Variants in PTPRQ observed in about 807,000 individuals in gnomAD.
The protein encoded by PTPRQ is protein tyrosine phosphatase receptor type Q.
A neutral mutation model predicts 246.0 loss-of-function variants in PTPRQ; 199 were observed. That is an observed-to-expected ratio of 0.81 (90% CI 0.72 to 0.91). PTPRQ has a LOEUF of 0.91. Ranked by LOEUF, PTPRQ falls within the 40% of genes least tolerant of loss-of-function variation. The pLI is 0.00. For missense variants in PTPRQ, 2,624 were observed against 2,528.4 expected, an observed-to-expected ratio of 1.04 and a Z score of -0.81; for synonymous variants, 869 against 853.2, an observed-to-expected ratio of 1.02 and a Z score of -0.32.
intron 9 of PTPRQ, among the ~76,000 whole-genome samples, chr12:80,487,771 G>A (rs1426027287): frequency 6.6e-6 from 1 of 152,058 alleles, no homozygotes; most frequent in Non-Finnish European, 1.5e-5. Flanking sequence ...TCCCTTGCCT[G>A]GACTACTGTT....
intron 42 of PTPRQ, among the ~76,000 whole-genome samples, chr12:80,672,164 T>C (rs778758611): frequency 3.9e-5 from 6 of 151,950 alleles, no homozygotes; most frequent in African/African-American, 1.5e-4. Context: ...AGGCACATTC[T>C]TGGTCTGTTT....
intron 9 of PTPRQ, among the ~76,000 whole-genome samples, chr12:80,490,315 C>T (rs1185364973): frequency 6.6e-6 from 1 of 151,872 alleles, no homozygotes; most frequent in Non-Finnish European, 1.5e-5. Flanking sequence ...TTCAGCAGAC[C>T]TCCAGTGACC....
intron 8 of PTPRQ, among the ~76,000 whole-genome samples, chr12:80,474,884 T>C: frequency 6.6e-6 from 1 of 152,202 alleles, no homozygotes; most frequent in East Asian, 1.9e-4. Flanking sequence ...ACTATGGCAG[T>C]GAAGACGTTT....
rs541052780 is a variant in PTPRQ, at chr12:80,520,752, G to A, written c.2678+10309G>A. 1.3e-4 allele frequency among the ~76,000 whole-genome samples: 19 copies of A among 151,838 alleles called. No homozygotes were observed. In the South Asian group the frequency reaches 2.7e-3, roughly 22 times the overall value. On this transcript the variant is annotated intron_variant, in intron 17 of 44. Transcript: ENST00000644991. Reference sequence around the variant, plus strand: ...ATATGTGCCACATTTTCTTAATCCAGTCTATCATTGTTGGACATTTGGGTT... The same window carrying A: ...ATATGTGCCACATTTTCTTAATCCAATCTATCATTGTTGGACATTTGGGTT...
intron 17 of PTPRQ, 105 bp downstream of exon 17, chr12:80,510,548 T>C (rs907526233): frequency 3.6e-6 from 4 of 1,110,368 alleles, no homozygotes; most frequent in African/African-American, 1.6e-5. Flanking sequence ...ATTAGGAACC[T>C]GATTATTAAT....
intron 12 of PTPRQ, among the ~76,000 whole-genome samples, chr12:80,495,603 C>G (rs1353597177): frequency 6.6e-6 from 1 of 151,946 alleles, no homozygotes; most frequent in Non-Finnish European, 1.5e-5. Context: ...AGCATCAGAT[C>G]ACAAGCTTCA....
At position 80,659,844 on chromosome 12, in the gene PTPRQ, G is replaced by A. The variant is rs116059811; in HGVS notation, c.6192+1783G>A. ...TCATTGCTGAGCTGCATGGTAAGCA[G>A]GCTCAGATGGAAGGCACTTTACAAG... On this transcript the variant is annotated intron_variant, in intron 39 of 44. Transcript: ENST00000644991. Among the ~76,000 whole-genome samples, 232 of 152,152 alleles carry A rather than the reference G, an allele frequency of 1.5e-3. 2 individuals are homozygous for A. Among genetic ancestry groups the A allele is most frequent in the African/African-American group, 5.3e-3 (222 of 41,536 alleles).
At chr12:80,490,773 T>C (rs1311393084) in intron 9 of PTPRQ, among the ~76,000 whole-genome samples, 2 of 151,916 alleles carry the variant, frequency 1.3e-5, no homozygotes, top group African/African-American at 4.8e-5. Context: ...TGGACTTTTT[T>C]CCCTCCTATT....
intron 30 of PTPRQ, among the ~76,000 whole-genome samples, chr12:80,618,161 G>A (rs929681909): frequency 6.6e-6 from 1 of 151,290 alleles, no homozygotes; most frequent in African/African-American, 2.4e-5. Context: ...GTGAACTACA[G>A]AACCGAGTCA....
At chr12:80,608,244 A>G (rs1382136469) in intron 27 of PTPRQ, among the ~76,000 whole-genome samples, 1 of 150,736 alleles carries the variant, frequency 6.6e-6, no homozygotes, top group African/African-American at 2.4e-5. Flanking sequence ...AAGACATTTT[A>G]TAACAATAGA....
chr12:80,490,985 G>A (rs960240102), intron 9 of PTPRQ, among the ~76,000 whole-genome samples: 1 of 151,844 alleles, frequency 6.6e-6, no homozygotes, highest in African/African-American at 2.4e-5. Context: ...TAACATTCTG[G>A]GTTGTTACAA....
At chr12:80,625,514 A>C (rs1899167606) in intron 33 of PTPRQ, among the ~76,000 whole-genome samples, 1 of 152,170 alleles carries the variant, frequency 6.6e-6, no homozygotes, top group Non-Finnish European at 1.5e-5. Context: ...TTGTAGTGGT[A>C]ATTATGCCTC....
At chr12:80,529,229 A>T (rs1009563369) in intron 17 of PTPRQ, among the ~76,000 whole-genome samples, 1 of 152,222 alleles carries the variant, frequency 6.6e-6, no homozygotes, top group Non-Finnish European at 1.5e-5. Context: ...TGAGGAAAAA[A>T]ATAATCTAAT....
At chr12:80,659,454 G>C (rs1900555674) in intron 39 of PTPRQ, among the ~76,000 whole-genome samples, 1 of 152,022 alleles carries the variant, frequency 6.6e-6, no homozygotes, top group African/African-American at 2.4e-5. Flanking sequence ...GGTTGTATCA[G>C]TGACCTATTG....
chr12:80,493,529 C>G, intron 10 of PTPRQ, 74 bp downstream of exon 10: 1 of 1,438,808 alleles, frequency 7.0e-7, no homozygotes, highest in Non-Finnish European at 9.1e-7. Flanking sequence ...TGAACCTAAG[C>G]TTAGAGTTCA....
chr12:80,466,987 A>C lies in PTPRQ; in HGVS notation c.911-1723A>C, dbSNP rs868714779. 2.1e-4 allele frequency among the ~76,000 whole-genome samples: 32 copies of C among 152,342 alleles called. No individual in the cohort carries two copies. The Middle Eastern group carries it at 0.01, about 49-fold the overall frequency. On this transcript the variant is annotated intron_variant, in intron 6 of 44. Transcript: ENST00000644991. ...CTAAAACACCAAAAGCAGTGGCAAC[A>C]AAAGCCAAAATTGACAAATGGGATC...
At chr12:80,564,676 T>C (rs1257791660) in intron 25 of PTPRQ, among the ~76,000 whole-genome samples, 2 of 152,230 alleles carry the variant, frequency 1.3e-5, no homozygotes, top group African/African-American at 4.8e-5. Context: ...CATTTAGTCA[T>C]TTCATTTTGC....
In PTPRQ at chr12:80,649,618, T is replaced by TG; in HGVS notation, c.5974dup (p.Val1992GlyfsTer2). The TG allele has an allele frequency of 6.5e-7, 1 of 1,549,978 alleles. No homozygotes were observed. The highest frequency in any genetic ancestry group is 8.7e-7 in the Non-Finnish European group (1 of 1,145,896). ...TAAGCAAGAAATCCTTCCTGCAACA[T>TG]GTTGAAGAGCTTTGCACAAACAACA... On this transcript the variant is annotated frameshift_variant, in exon 37 of 45. Coordinates refer to ENST00000644991, the MANE Select transcript of PTPRQ (RefSeq NM_001145026.2). LOFTEE classifies it high-confidence loss of function.
At chr12:80,652,897 T>C in intron 38 of PTPRQ, 63 bp downstream of exon 38, 2 of 1,398,642 alleles carry the variant, frequency 1.4e-6, no homozygotes, top group South Asian at 1.8e-5. Context: ...CCATCTTAAC[T>C]TTTTTGTTTC....
Sources: gnomAD v4.1 joint callset for allele counts (sites outside exome capture counted in the v4.1 genomes callset) on GRCh38, gnomAD v4.1.1 for gene constraint, MANE v1.5 for transcripts, NCBI Gene and HGNC (gene_info 2026-07-23, HGNC 2026-07-21) for gene names.